The following PHEX variants were observed in gnomAD, a reference collection of about 807,000 sequenced individuals.
The protein encoded by PHEX is phosphate-regulating neutral endopeptidase PHEX.
PHEX carries 16 observed loss-of-function variants against 68.0 expected under a neutral mutation model. That is an observed-to-expected ratio of 0.24 (90% confidence interval 0.16 to 0.36). PHEX has a LOEUF of 0.36. Ranked by LOEUF, PHEX falls within the 10% of genes least tolerant of loss-of-function variation. The pLI, the probability that PHEX is intolerant of heterozygous loss-of-function variation, is 1.00. For missense variants in PHEX, 480 were observed against 575.5 expected, an observed-to-expected ratio of 0.83 and a Z score of 1.70; for synonymous variants, 208 against 205.1, an observed-to-expected ratio of 1.01 and a Z score of -0.12.
At chrX:22,164,382 G>A (rs984067536) in intron 12 of PHEX, among the ~76,000 whole-genome samples, 1 of 111,863 alleles carries the variant, frequency 8.9e-6, no homozygotes, top group Non-Finnish European at 1.9e-5. Flanking sequence ...CTTATTCTAG[G>A]TATGTATCTT....
At chrX:22,094,572 C>A (rs2147040850) in intron 7 of PHEX, among the ~76,000 whole-genome samples, 1 of 112,483 alleles carries the variant, frequency 8.9e-6, no homozygotes, top group Admixed American at 9.4e-5. Context: ...ATCTGTCCAC[C>A]AATACTGGAT....
At chrX:22,219,140 T>C in intron 17 of PHEX, 37 bp downstream of exon 17, 1 of 882,239 alleles carries the variant, frequency 1.1e-6, no homozygotes, top group Admixed American at 2.2e-5. Flanking sequence ...GCTGCTTTTA[T>C]AATAATGTTG....
chrX:22,081,067 C>G (rs1466671101), intron 5 of PHEX, among the ~76,000 whole-genome samples: 1 of 111,191 alleles, frequency 9.0e-6, no homozygotes, highest in Non-Finnish European at 1.9e-5. Context: ...AGCTCAAACT[C>G]AGTAGTGCAA....
chrX:22,247,856 A>G lies in PHEX; in HGVS notation c.2153A>G (p.Asn718Ser), dbSNP rs191028600. 1.5e-5 allele frequency: 18 copies of G among 1,189,644 alleles called. No homozygotes were observed. The highest frequency in any genetic ancestry group is 1.8e-5 in the African/African-American group (1 of 56,858). ...GAHSPPQFRV[N>S]GAISNFEEFQ... ...TTTGACATATCGTTTTTCAGGGTCA[A>G]TGGTGCAATTAGTAACTTTGAAGAA... The change falls in exon 22 of 22, where the codon AAT (asparagine) becomes AGT (serine). Residue 718 changes from asparagine to serine, a missense_variant. Transcript: ENST00000379374.
intron 12 of PHEX, among the ~76,000 whole-genome samples, chrX:22,141,325 T>C (rs1397365806): frequency 9.0e-6 from 1 of 111,607 alleles, no homozygotes; most frequent in African/African-American, 3.3e-5. Flanking sequence ...AAGCTTAAGT[T>C]CAAGGCTGTG....
rs769778878 is a variant in PHEX, at chrX:22,090,411, C to T, written c.664-18C>T. On this transcript the variant is annotated intron_variant, in intron 5 of 21. Coordinates refer to ENST00000379374, the MANE Select transcript of PHEX (RefSeq NM_000444.6). ...ATTTACAGTGCTAGCAGAATGCTTT[C>T]TGTTTTTGTTTTTACAGCTGGACCA... 87 of 1,185,698 alleles carry T rather than the reference C, an allele frequency of 7.3e-5. No individual in the cohort carries two copies. The highest frequency in any genetic ancestry group is 7.0e-4 in the Middle Eastern group (3 of 4,314).
chrX:22,048,933 T>A, intron 3 of PHEX, among the ~76,000 whole-genome samples: 2 of 111,823 alleles, frequency 1.8e-5, no homozygotes, highest in East Asian at 5.6e-4. Context: ...TTTTGTTGCA[T>A]GTGTGTGTCC....
At chrX:22,098,907 A>G (rs999427702) in intron 8 of PHEX, 99 bp from the exon 9 acceptor site, 14 of 797,682 alleles carry the variant, frequency 1.8e-5, no homozygotes, top group Admixed American at 2.3e-5. Context: ...TAGGTGTGAA[A>G]TCAAAAGAAA....
At chrX:22,058,699 C>T (rs918469522) in intron 3 of PHEX, among the ~76,000 whole-genome samples, 2 of 112,113 alleles carry the variant, frequency 1.8e-5, no homozygotes, top group African/African-American at 3.2e-5. Flanking sequence ...AAATCACTCC[C>T]ACAGGAAGAG....
At chrX:22,051,592 A>G (rs1327769612) in intron 3 of PHEX, among the ~76,000 whole-genome samples, 2 of 112,350 alleles carry the variant, frequency 1.8e-5, no homozygotes, top group Non-Finnish European at 3.8e-5. Context: ...TTATTTTGAG[A>G]TAATTCAAAC....
At chrX:22,197,724 A>G (rs1353596480) in intron 15 of PHEX, among the ~76,000 whole-genome samples, 1 of 111,657 alleles carries the variant, frequency 9.0e-6, no homozygotes, top group East Asian at 2.8e-4. Flanking sequence ...TTTGTTACAC[A>G]GCAAGAGGTA....
chrX:22,052,839 T>C (rs1927899966), intron 3 of PHEX, among the ~76,000 whole-genome samples: 1 of 111,249 alleles, frequency 9.0e-6, no homozygotes, highest in Admixed American at 9.7e-5. Flanking sequence ...AACTACAGGT[T>C]GTGTACAAAA....
At chrX:22,143,854 A>G (rs779591432) in intron 12 of PHEX, among the ~76,000 whole-genome samples, 26 of 112,352 alleles carry the variant, frequency 2.3e-4, no homozygotes, top group Non-Finnish European at 3.2e-4. Context: ...ACTTTTTGCA[A>G]TAGCATCGTA....
intron 14 of PHEX, among the ~76,000 whole-genome samples, chrX:22,189,828 T>C (rs1006675160): frequency 3.6e-5 from 4 of 112,311 alleles, no homozygotes; most frequent in Admixed American, 9.5e-5. Context: ...TTAGATGTCC[T>C]AATGCAATGC....
chrX:22,231,015 T>C (rs983036060), intron 20 of PHEX, among the ~76,000 whole-genome samples: 2 of 112,200 alleles, frequency 1.8e-5, no homozygotes, highest in Admixed American at 1.9e-4. Flanking sequence ...CAAAGGCCTT[T>C]TCTGCATCTA....
chrX:22,137,570 C>T (rs1352917255), intron 12 of PHEX, among the ~76,000 whole-genome samples: 1 of 111,693 alleles, frequency 9.0e-6, no homozygotes, highest in East Asian at 2.8e-4. Flanking sequence ...TACTGGACTT[C>T]TCCCAGGTAT....
At position 22,147,978 on chromosome X, in the gene PHEX, A is replaced by G. The variant is rs1169530888; in HGVS notation, c.1404+14354A>G. On this transcript the variant is annotated intron_variant, in intron 12 of 21. Coordinates refer to ENST00000379374, the MANE Select transcript of PHEX (RefSeq NM_000444.6). Reference sequence around the variant, plus strand: ...CAGAGTAGGTTTTATTTTTTTTTCCATCTAGGTAGAATGACTCAGTTACTG... The same window carrying G: ...CAGAGTAGGTTTTATTTTTTTTTCCGTCTAGGTAGAATGACTCAGTTACTG... Among the ~76,000 whole-genome samples the G allele has an allele frequency of 2.8e-5, 3 of 105,265 alleles. No homozygotes were observed. In the East Asian group the frequency reaches 8.8e-4, roughly 31 times the overall value. 91.4% of individuals were successfully genotyped at this position (105,265 alleles called of 115,157 possible).
At chrX:22,167,567 C>T (rs1280153932) in intron 12 of PHEX, among the ~76,000 whole-genome samples, 1 of 102,511 alleles carries the variant, frequency 9.8e-6, no homozygotes, top group African/African-American at 3.7e-5. Flanking sequence ...TCATAGTTCA[C>T]TGCAGCCTCT....
At chrX:22,075,796 A>G (rs1412903891) in intron 3 of PHEX, among the ~76,000 whole-genome samples, 1 of 112,063 alleles carries the variant, frequency 8.9e-6, no homozygotes, top group East Asian at 2.8e-4. Context: ...AGGACTTTGC[A>G]TGTGTAAACG....
Sources: allele counts gnomAD v4.1 joint callset (sites outside exome capture counted in the v4.1 genomes callset), GRCh38; gene constraint gnomAD v4.1.1; transcripts MANE v1.5; gene names NCBI Gene and HGNC (gene_info 2026-07-23, HGNC 2026-07-21).